Variants in FZD3 observed in about 807,000 individuals in gnomAD.
The protein encoded by FZD3 is frizzled-3.
Under a neutral mutation model 60.7 loss-of-function variants are expected in FZD3, and 30 were observed. The ratio of observed to expected loss-of-function variants is 0.49; its 90% CI spans 0.37 to 0.67. The LOEUF is 0.67. Ranked by LOEUF, FZD3 falls within the 30% of genes least tolerant of loss-of-function variation. The pLI, the probability that FZD3 is intolerant of heterozygous loss-of-function variation, is 0.00. For missense variants in FZD3, 605 were observed against 838.7 expected, an observed-to-expected ratio of 0.72 and a Z score of 3.44; for synonymous variants, 246 against 275.2, an observed-to-expected ratio of 0.89 and a Z score of 1.05.
intron 1 of FZD3, among the ~76,000 whole-genome samples, 155 bp downstream of exon 1, chr8:28,494,498 C>T (rs987042178): frequency 4.9e-4 from 74 of 152,110 alleles, no homozygotes; most frequent in African/African-American, 1.8e-3. Flanking sequence ...CCTCAGGGAT[C>T]GTTCCTCTCG....
chr8:28,508,867 A>C (rs1271477846), intron 3 of FZD3, among the ~76,000 whole-genome samples: 1 of 151,584 alleles, frequency 6.6e-6, no homozygotes, highest in Non-Finnish European at 1.5e-5. Flanking sequence ...TTGTTTCTCT[A>C]CTCTCTTATC....
chr8:28,509,973 G>C (rs571048642), intron 3 of FZD3, among the ~76,000 whole-genome samples: 1 of 152,130 alleles, frequency 6.6e-6, no homozygotes, highest in Non-Finnish European at 1.5e-5. Context: ...TGGGTCATAT[G>C]TTAATTCCAT....
chr8:28,557,598 C>A (rs1805535481), intron 7 of FZD3, among the ~76,000 whole-genome samples: 1 of 152,098 alleles, frequency 6.6e-6, no homozygotes, highest in Admixed American at 6.5e-5. Flanking sequence ...TATCCATTTC[C>A]TTTTTCTTTC....
Position 28,499,994 on chromosome 8 carries a change from C to A in FZD3, c.-345+16C>A, listed in dbSNP as rs767358311. 2 of 152,176 alleles carry A rather than the reference C, an allele frequency of 1.3e-5. No homozygotes were observed. Among genetic ancestry groups the A allele is most frequent in the Non-Finnish European group, 2.9e-5 (2 of 68,026 alleles). 9.4% of individuals were successfully genotyped at this position (152,176 alleles called of 1,614,324 possible). A position where few individuals can be genotyped will look rare whatever the true frequency, so the allele number is the denominator to read the frequency against. On this transcript the variant is annotated intron_variant, in intron 2 of 7. Coordinates refer to ENST00000240093, the MANE Select transcript of FZD3 (RefSeq NM_017412.4). The stretch of plus-strand genomic sequence containing the variant: ...GTAACCTGAGGTAATCATTAGAATG[C>A]ATATCATTCTCCAGGATTCAGATTT...
intron 4 of FZD3, among the ~76,000 whole-genome samples, chr8:28,522,953 A>G (rs1016354196): frequency 1.3e-5 from 2 of 151,912 alleles, no homozygotes; most frequent in African/African-American, 2.4e-5. Context: ...CATTTTTGGT[A>G]GAGACGGGGT....
In FZD3 at chr8:28,527,840, G is replaced by A; in HGVS notation, c.1080G>A (p.Val360=). The stretch of plus-strand genomic sequence containing the variant: ...TTGAAGGTGACAATATTAGTGGCGT[G>A]TGTTTTGTTGGCCTCTACGATGTTG... ...NKIEGDNISG[V]CFVGLYDVDA... is the part of the protein sequence containing the mutation. The change falls in exon 5 of 8, where the codon GTG becomes GTA. Residue 360 remains valine (V), a synonymous_variant. Coordinates refer to ENST00000240093, the MANE Select transcript of FZD3 (RefSeq NM_017412.4). This position sits in a 1 kb window ranked among gnomAD's most constrained non-coding sequence, Gnocchi z 5.0. 6.2e-7 allele frequency: 1 copy of A among 1,614,130 alleles called. No individual in the cohort carries two copies. The highest frequency in any genetic ancestry group is 8.5e-7 in the Non-Finnish European group (1 of 1,179,988).
At chr8:28,554,369 A>G (rs1805465903) in intron 6 of FZD3, among the ~76,000 whole-genome samples, 1 of 152,210 alleles carries the variant, frequency 6.6e-6, no homozygotes, top group Non-Finnish European at 1.5e-5. Flanking sequence ...AAGGCCGTTG[A>G]TTACAGAGGA....
intron 4 of FZD3, among the ~76,000 whole-genome samples, chr8:28,523,003 T>C (rs956624676): frequency 2.9e-4 from 44 of 151,874 alleles, no homozygotes; most frequent in African/African-American, 1.0e-3. Flanking sequence ...CTCCTGACTT[T>C]AAGTGGTCCG....
chr8:28,545,724 TTTAAGCCG>T (rs1187020059), intron 5 of FZD3, among the ~76,000 whole-genome samples: 1 of 152,242 alleles, frequency 6.6e-6, no homozygotes, highest in Non-Finnish European at 1.5e-5. Context: ...AAATTCTTGC[TTTAAGCCG>T]TTAAGTTTTG....
Position 28,531,991 on chromosome 8 carries a change from AT to A in FZD3, c.1404+3828del, listed in dbSNP as rs151094100. 2.1e-3 allele frequency among the ~76,000 whole-genome samples: 313 copies of A among 152,238 alleles called. 1 individual carries two copies. The highest frequency in any genetic ancestry group is 7.4e-3 in the African/African-American group (306 of 41,556). ...TCTACAATTTGCTTTTTTGATTCAT[AT>A]CTCTAATCCCATAAAATTTATTTTT... On this transcript the variant is annotated intron_variant, in intron 5 of 7. Coordinates refer to ENST00000240093, the MANE Select transcript of FZD3 (RefSeq NM_017412.4).
intron 3 of FZD3, among the ~76,000 whole-genome samples, chr8:28,512,390 T>C (rs963199726): frequency 4.9e-4 from 75 of 152,292 alleles, no homozygotes; most frequent in African/African-American, 1.6e-3. Flanking sequence ...TTGAAAAACA[T>C]ATATGCATGT....
intron 4 of FZD3, among the ~76,000 whole-genome samples, chr8:28,523,466 G>A (rs548007261): frequency 2.0e-5 from 3 of 152,126 alleles, no homozygotes; most frequent in East Asian, 1.9e-4. Flanking sequence ...ATCTCGCTGT[G>A]TTGCCCAGGC....
intron 3 of FZD3, 140 bp from the exon 4 acceptor site, chr8:28,520,498 A>G (rs1222104331): frequency 1.9e-6 from 1 of 533,810 alleles, no homozygotes; most frequent in East Asian, 2.9e-5. Flanking sequence ...TTTGTTTAAA[A>G]AAACAAAAAC....
intron 7 of FZD3, among the ~76,000 whole-genome samples, chr8:28,558,565 G>A (rs1371372798): frequency 6.6e-6 from 1 of 151,952 alleles, no homozygotes; most frequent in African/African-American, 2.4e-5. Context: ...TGAGTAGCTA[G>A]GATTACAGGC....
intron 3 of FZD3, among the ~76,000 whole-genome samples, chr8:28,512,601 T>A (rs1174451962): frequency 1.3e-5 from 2 of 152,274 alleles, no homozygotes; most frequent in East Asian, 1.9e-4. Context: ...ATTTTATTTT[T>A]AAAAAATTTC....
In FZD3 at chr8:28,539,854, T is replaced by TAA. The variant is rs11434376; in HGVS notation, c.1404+11698_1404+11699dup. Among the ~76,000 whole-genome samples, 1,417 of 150,778 alleles carry TAA rather than the reference T, an allele frequency of 9.4e-3. 22 individuals carry two copies. The highest frequency in any genetic ancestry group is 0.032 in the African/African-American group (1,308 of 41,150). On this transcript the variant is annotated intron_variant, in intron 5 of 7. Transcript: ENST00000240093. ...ATTGAATTTAGGCCATCACAATAATTAAAAAAAAATACCTCAAGTGTTCTT... is the reference window on the plus strand; with the variant it reads ...ATTGAATTTAGGCCATCACAATAATTAAAAAAAAAAATACCTCAAGTGTTCTT...
chr8:28,553,599 G>T (rs1316724451), intron 6 of FZD3, among the ~76,000 whole-genome samples: 3 of 152,156 alleles, frequency 2.0e-5, no homozygotes, highest in African/African-American at 2.4e-5. Flanking sequence ...GGGGATACTG[G>T]TTGGGCCGAA....
intron 7 of FZD3, among the ~76,000 whole-genome samples, chr8:28,562,566 C>G (rs780957574): frequency 2.0e-5 from 3 of 152,124 alleles, no homozygotes; most frequent in Non-Finnish European, 2.9e-5. Flanking sequence ...AGCTTCTGTC[C>G]TTTTGCAGAG....
chr8:28,525,118 A>C (rs1804683298), intron 4 of FZD3, among the ~76,000 whole-genome samples: 1 of 152,110 alleles, frequency 6.6e-6, no homozygotes, highest in Non-Finnish European at 1.5e-5. Flanking sequence ...CTTTCTGATT[A>C]CTTGGGTTAG....
Sources: allele counts gnomAD v4.1 joint callset (sites outside exome capture counted in the v4.1 genomes callset), GRCh38; gene constraint gnomAD v4.1.1; non-coding constraint Gnocchi (gnomAD v3.1); transcripts MANE v1.5; gene names NCBI Gene and HGNC (gene_info 2026-07-23, HGNC 2026-07-21).